Variants in XAF1 observed in about 807,000 individuals in gnomAD.
XAF1 encodes XIAP associated factor 1, also known as XIAP-associated factor 1.
In XAF1, 32 loss-of-function variants were observed where a neutral mutation model predicts 32.3. The ratio of observed to expected loss-of-function variants is 0.99; its 90% CI spans 0.75 to 1.33. XAF1 has a LOEUF of 1.33. XAF1 is among the 40% of genes most tolerant of loss of function. XAF1 has a pLI of 0.00. For missense variants in XAF1, 379 were observed against 366.0 expected, an observed-to-expected ratio of 1.04 and a Z score of -0.29; for synonymous variants, 120 against 125.9, an observed-to-expected ratio of 0.95 and a Z score of 0.31.
At chr17:6,759,079 G>A in intron 2 of XAF1, 1 of 947,952 alleles carries the variant, frequency 1.1e-6, no homozygotes, top group Non-Finnish European at 1.3e-6. Context: ...GAGTTGGGGT[G>A]AGGGCTGGGG....
chr17:6,761,135 C>T (rs534625790), intron 4 of XAF1, among the ~76,000 whole-genome samples: 6 of 150,846 alleles, frequency 4.0e-5, no homozygotes, highest in African/African-American at 1.5e-4. Context: ...GCCTGGGCAA[C>T]AAGAGCAAAA....
rs1023643745 is a variant in XAF1, at chr17:6,760,457, A to G, written c.277A>G (p.Met93Val). 3 of 1,613,188 alleles carry G rather than the reference A, an allele frequency of 1.9e-6. No homozygotes were observed. Among genetic ancestry groups the G allele is most frequent in the Non-Finnish European group, 2.5e-6 (3 of 1,179,696 alleles). The change falls in exon 4 of 7, where the codon ATG becomes GTG. Residue 93 changes from methionine (M) to valine (V), a missense_variant. Transcript: ENST00000361842. ...TGAGTGTAAGTTCTGCAAACTGGAC[A>G]TGCAGCTCAGCAAGCTGGAGCTCCA... ...PVECKFCKLDMQLSKLELHES... is the reference protein window; with the variant it reads ...PVECKFCKLDVQLSKLELHES...
In XAF1 at chr17:6,773,532, A is replaced by G. The variant is rs1006837847; in HGVS notation, c.*363A>G. ...ACAAGGCACTTCAGTCCTATTCAAC[A>G]TAGTACTGGAAGTCCTCGCCACAGC... On this transcript the variant is annotated 3_prime_UTR_variant, in exon 7 of 7. Transcript: ENST00000361842. The G allele has an allele frequency of 5.5e-6, 1 of 183,466 alleles. No individual in the cohort carries two copies. The highest frequency in any genetic ancestry group is 1.1e-5 in the Non-Finnish European group (1 of 88,710). The allele number at this position is 183,466 out of a possible 1,614,324, so 11.4% of individuals were successfully genotyped here.
chr17:6,764,926 C>G (rs1350970133), intron 5 of XAF1, among the ~76,000 whole-genome samples: 2 of 152,212 alleles, frequency 1.3e-5, no homozygotes, highest in Non-Finnish European at 2.9e-5. Context: ...CTGCTCATCA[C>G]TCCCTCTTCC....
intron 5 of XAF1, among the ~76,000 whole-genome samples, chr17:6,764,591 TAAGGATTG>T (rs1975454301): frequency 1.3e-5 from 2 of 152,324 alleles, no homozygotes; most frequent in South Asian, 4.1e-4. Context: ...TTTTGAAAAT[TAAGGATTG>T]AAATCATGTA....
intron 1 of XAF1, chr17:6,756,397 C>T: frequency 1.3e-6 from 1 of 783,322 alleles, no homozygotes; most frequent in South Asian, 2.3e-5. Flanking sequence ...CCCAACTGGG[C>T]TACTCATACT....
At position 6,758,213 on chromosome 17, in the gene XAF1, G is replaced by C. The variant is rs1294836765; in HGVS notation, c.157G>C (p.Glu53Gln). The C allele has an allele frequency of 6.2e-7, 1 of 1,614,208 alleles. No individual in the cohort carries two copies. The highest frequency in any genetic ancestry group is 1.3e-5 in the African/African-American group (1 of 75,062). ...AACCATGGAGGAGCACTGCAAGCTT[G>C]AGCACCAGCAGGTGAGGAGGCGGCA... ...KETMEEHCKLEHQQVGCTMCQ... is the reference protein window; with the variant it reads ...KETMEEHCKLQHQQVGCTMCQ... Residue 53 changes from glutamate to glutamine, a missense_variant, in exon 2 of 7, where the codon GAG (glutamate) becomes CAG (glutamine). By Grantham distance (29) the Glu-to-Gln change is conservative (BLOSUM62 2). Transcript: ENST00000361842.
At chr17:6,766,664 G>A (rs1975644655) in intron 5 of XAF1, among the ~76,000 whole-genome samples, 1 of 152,168 alleles carries the variant, frequency 6.6e-6, no homozygotes, top group Admixed American at 6.5e-5. Context: ...GTGATTATGT[G>A]TTCTTTCTCC....
chr17:6,758,161 G>A lies in XAF1; in HGVS notation c.105G>A (p.Pro35=), dbSNP rs1337141482. 24 of 1,614,132 alleles carry A rather than the reference G, an allele frequency of 1.5e-5. No homozygotes were observed. The highest frequency in any genetic ancestry group is 8.0e-5 in the African/African-American group (6 of 74,948). Residue 35 remains proline (P), a synonymous_variant, in exon 2 of 7, where the codon CCG becomes CCA. Transcript: ENST00000361842. ...GCCTGCGGTTCCTGGTCCTGTGTCC[G>A]GAGTGTGAGGAGCCTGTCCCCAAGG... The part of the protein sequence containing the change: ...AYCLRFLVLC[P]ECEEPVPKET...
chr17:6,761,816 T>C, intron 4 of XAF1: 1 of 1,332,384 alleles, frequency 7.5e-7, no homozygotes, highest in Non-Finnish European at 9.8e-7. Flanking sequence ...TGAAAACTGG[T>C]GCAATGAAAG....
chr17:6,755,653 C>T, upstream of XAF1: 8 of 1,031,860 alleles, frequency 7.8e-6, no homozygotes, highest in Non-Finnish European at 9.4e-6. Flanking sequence ...CTCAACATGG[C>T]AAGTTCCCTC....
At chr17:6,757,159 G>A (rs1210883918) in intron 1 of XAF1, among the ~76,000 whole-genome samples, 1 of 152,072 alleles carries the variant, frequency 6.6e-6, no homozygotes, top group East Asian at 1.9e-4. Context: ...GCACCGCCAT[G>A]CCCGGCTAAT....
chr17:6,774,343 A>G lies in XAF1; in HGVS notation c.*1174A>G, dbSNP rs1976277081. 6.6e-6 allele frequency: 1 copy of G among 152,344 alleles called. No individual in the cohort carries two copies. The highest frequency in any genetic ancestry group is 1.5e-5 in the Non-Finnish European group (1 of 68,024). The allele number at this position is 152,344 out of a possible 1,614,324, so 9.4% of individuals were successfully genotyped here. On this transcript the variant is annotated 3_prime_UTR_variant, in exon 7 of 7. Coordinates refer to ENST00000361842, the MANE Select transcript of XAF1 (RefSeq NM_017523.5). Reference sequence around the variant, plus strand: ...AAGAATTCCCCATTCAGTAAGTGGTACTGGGATAACTAGCTAGCCATATGC... The same window carrying G: ...AAGAATTCCCCATTCAGTAAGTGGTGCTGGGATAACTAGCTAGCCATATGC...
intron 2 of XAF1, 31 bp from the exon 3 acceptor site, chr17:6,759,631 T>G (rs770897666): frequency 1.5e-5 from 7 of 454,966 alleles, no homozygotes; most frequent in Middle Eastern, 6.2e-4. Context: ...CCACATCTGG[T>G]GTGTGTGTGT....
chr17:6,757,995 C>A, intron 1 of XAF1, 94 bp from the exon 2 acceptor site: 1 of 1,555,496 alleles, frequency 6.4e-7, no homozygotes, highest in Non-Finnish European at 8.8e-7. Context: ...TGCTTAAGGC[C>A]TCTGGAGATC....
Position 6,770,802 on chromosome 17 carries a change from C to T in XAF1, c.667C>T (p.His223Tyr), listed in dbSNP as rs1284175612. The change falls in exon 6 of 7, where the codon CAT (histidine) becomes TAT (tyrosine). Residue 223 changes from histidine (H) to tyrosine (Y), a missense_variant. Coordinates refer to ENST00000361842, the MANE Select transcript of XAF1 (RefSeq NM_017523.5). The stretch of plus-strand genomic sequence containing the variant: ...AAGAAGTATAAACAGATTTCCTCTT[C>T]ATTCTGAAAGTTCATCAAAGAAAGC... ...KTRSINRFPLHSESSSKKAPR... is the reference protein window; with the variant it reads ...KTRSINRFPLYSESSSKKAPR... 1 of 1,613,742 alleles carries T rather than the reference C, an allele frequency of 6.2e-7. No homozygotes were observed. The highest frequency in any genetic ancestry group is 1.7e-5 in the Admixed American group (1 of 59,930).
At chr17:6,756,358 T>G in intron 1 of XAF1, 1 of 1,237,160 alleles carries the variant, frequency 8.1e-7, no homozygotes, top group East Asian at 3.0e-5. Context: ...TCTGGGACAG[T>G]TCTGAAGCCA....
chr17:6,760,932 A>G (rs1975156393), intron 4 of XAF1, among the ~76,000 whole-genome samples: 1 of 152,200 alleles, frequency 6.6e-6, no homozygotes, highest in South Asian at 2.1e-4. Flanking sequence ...AGGCGGGCAG[A>G]TCACCTGAGG....
In XAF1 at chr17:6,774,323, T is replaced by C. The variant is rs1976274599; in HGVS notation, c.*1154T>C. On this transcript the variant is annotated 3_prime_UTR_variant, in exon 7 of 7. Coordinates refer to ENST00000361842, the MANE Select transcript of XAF1 (RefSeq NM_017523.5). ...ACAAAAATACGCAATGGGGAAAGAA[T>C]TCCCCATTCAGTAAGTGGTACTGGG... 6.6e-6 allele frequency: 1 copy of C among 152,172 alleles called. No homozygotes were observed. Among genetic ancestry groups the C allele is most frequent in the Non-Finnish European group, 1.5e-5 (1 of 68,040 alleles). The allele number at this position is 152,172 out of a possible 1,614,324, so 9.4% of individuals were successfully genotyped here.
Sources: gnomAD v4.1 joint callset for allele counts (sites outside exome capture counted in the v4.1 genomes callset) on GRCh38, gnomAD v4.1.1 for gene constraint, MANE v1.5 for transcripts, NCBI Gene and HGNC (gene_info 2026-07-23, HGNC 2026-07-21) for gene names.